Variants in FBXL12 observed in about 807,000 individuals in gnomAD.
The protein encoded by FBXL12 is F-box/LRR-repeat protein 12.
A neutral mutation model predicts 24.9 loss-of-function variants in FBXL12; 22 were observed. The ratio of observed to expected loss-of-function variants is 0.88; its 90% CI spans 0.63 to 1.26. The LOEUF is 1.26. FBXL12 is among the 50% of genes most tolerant of loss of function. FBXL12 has a pLI of 0.00. For synonymous variants in FBXL12, 193 were observed against 193.8 expected, an observed-to-expected ratio of 1.00 and a Z score of 0.03; for missense variants, 384 against 434.1, an observed-to-expected ratio of 0.88 and a Z score of 1.03.
rs1177447391 is a variant in FBXL12 at position 9,811,829 on chromosome 19, C to G, written c.160-112G>C. 1 of 915,900 alleles carries G rather than the reference C, an allele frequency of 1.1e-6. No homozygotes were observed. Among genetic ancestry groups the G allele is most frequent in the African/African-American group, 1.7e-5 (1 of 60,124 alleles). 56.7% of individuals were successfully genotyped at this position (915,900 alleles called of 1,614,324 possible). On this transcript the variant is annotated intron_variant, in intron 2 of 2. Coordinates refer to ENST00000247977, the MANE Select transcript of FBXL12 (RefSeq NM_017703.3). This position sits in a 1 kb window ranked among gnomAD's most constrained non-coding sequence, Gnocchi z 6.0. ...TGGGGGATTCTGGTGCCCTGCTGGG[C>G]TTCTGCCCTTGCCTAGCCAGTCTCC...
In FBXL12 at chr19:9,810,910, C is replaced by T; in HGVS notation, c.967G>A (p.Asp323Asn). The T allele has an allele frequency of 6.3e-7, 1 of 1,590,886 alleles. No individual in the cohort carries two copies. The highest frequency in any genetic ancestry group is 8.6e-7 in the Non-Finnish European group (1 of 1,162,794). The change falls in exon 3 of 3, where the codon GAC (aspartate) becomes AAC (asparagine). Residue 323 changes from aspartate (D) to asparagine (N), a missense_variant. Physicochemically the swap from Asp to Asn is conservative, Grantham distance 23. Coordinates refer to ENST00000247977, the MANE Select transcript of FBXL12 (RefSeq NM_017703.3). Reference protein sequence around the residue: ...IVRACPKESMDWWM With the variant: ...IVRACPKESMNWWM ...AGGTGGAGTAGTTACATCCACCAGT[C>T]CATAGACTCTTTGGGGCAAGCCCTG...
In FBXL12 at chr19:9,813,196, A is replaced by G. The variant is rs1599425199; in HGVS notation, c.160-1479T>C. Reference sequence around the variant, plus strand: ...GCACTGGGCATTTCATTCTAAGTACAGTTTATCTTAAAAAGAAAAAGTTAG... The same window carrying G: ...GCACTGGGCATTTCATTCTAAGTACGGTTTATCTTAAAAAGAAAAAGTTAG... On this transcript the variant is annotated intron_variant, in intron 2 of 2. Transcript: ENST00000247977. The G allele has an allele frequency of 2.5e-6, 3 of 1,189,990 alleles. No individual in the cohort carries two copies. The South Asian group carries it at 1.3e-4, about 51-fold the overall frequency. The allele number at this position is 1,189,990 out of a possible 1,614,324, so 73.7% of individuals were successfully genotyped here.
Position 9,818,628 on chromosome 19 carries a change from G to A in FBXL12, c.87-11C>T, listed in dbSNP as rs905442679. ...CAGCGGTGACAGACCCTGGGGGAGG[G>A]GACGCGCGGTTAGAACGACCCCAGC... On this transcript the variant is annotated splice_polypyrimidine_tract_variant and intron_variant, in intron 1 of 2. Transcript: ENST00000247977. The A allele has an allele frequency of 6.4e-6, 10 of 1,552,750 alleles. No individual in the cohort carries two copies. Among genetic ancestry groups the A allele is most frequent in the Non-Finnish European group, 8.7e-6 (10 of 1,148,188 alleles).
rs2045944231 is a variant in FBXL12 at position 9,818,909 on chromosome 19, C to G, written c.-96G>C. 1 of 1,161,978 alleles carries G rather than the reference C, an allele frequency of 8.6e-7. No homozygotes were observed. The highest frequency in any genetic ancestry group is 1.2e-6 in the Non-Finnish European group (1 of 820,166). 72.0% of individuals were successfully genotyped at this position (1,161,978 alleles called of 1,614,324 possible). A position where few individuals can be genotyped will look rare whatever the true frequency, so the allele number is the denominator to read the frequency against. On this transcript the variant is annotated 5_prime_UTR_variant, in exon 1 of 3. Coordinates refer to ENST00000247977, the MANE Select transcript of FBXL12 (RefSeq NM_017703.3). ...GACAGGGCGGCGGCCGCGACCTTCCCGTAGCCGGTCGAGAAATTTGACCTT... is the reference window on the plus strand; with the variant it reads ...GACAGGGCGGCGGCCGCGACCTTCCGGTAGCCGGTCGAGAAATTTGACCTT...
intron 2 of FBXL12, among the ~76,000 whole-genome samples, chr19:9,816,164 C>T (rs1333707250): frequency 6.6e-6 from 1 of 152,172 alleles, no homozygotes; most frequent in Non-Finnish European, 1.5e-5. Context: ...TCCTCCTGGG[C>T]TTCCAGGCCT....
chr19:9,813,377 C>T, intron 2 of FBXL12: 1 of 734,056 alleles, frequency 1.4e-6, no homozygotes, highest in Non-Finnish European at 1.8e-6. Context: ...TTGCTTGTTG[C>T]CCAGGCTGGA....
rs1351232796 is a variant in FBXL12 at position 9,814,735 on chromosome 19, A to G, written c.160-3018T>C. On this transcript the variant is annotated intron_variant, in intron 2 of 2. Transcript: ENST00000247977. ...AAAAAAAATTAAGAAAACGAGAACAAAGCAAAAATGGAAACCCCTGATAAA... is the reference window on the plus strand; with the variant it reads ...AAAAAAAATTAAGAAAACGAGAACAGAGCAAAAATGGAAACCCCTGATAAA... The G allele has an allele frequency of 2.0e-5, 3 of 152,264 alleles. No homozygotes were observed. In the East Asian group the frequency reaches 5.8e-4, roughly 29 times the overall value. The allele number at this position is 152,264 out of a possible 1,614,324, so 9.4% of individuals were successfully genotyped here.
chr19:9,813,241 T>C (rs1284436821), intron 2 of FBXL12: 4 of 1,231,516 alleles, frequency 3.2e-6, no homozygotes, highest in East Asian at 3.2e-5. Flanking sequence ...ATCTGCCTTT[T>C]ATTGCTGGAT....
intron 2 of FBXL12, among the ~76,000 whole-genome samples, chr19:9,817,144 A>G (rs1274307979): frequency 6.6e-6 from 1 of 152,186 alleles, no homozygotes; most frequent in African/African-American, 2.4e-5. Flanking sequence ...GCCAAACCAT[A>G]TCATGAACCA....
At chr19:9,812,020 G>T (rs2045766663) in intron 2 of FBXL12, among the ~76,000 whole-genome samples, 1 of 151,538 alleles carries the variant, frequency 6.6e-6, no homozygotes, top group Non-Finnish European at 1.5e-5. Flanking sequence ...CTGCAGCCTG[G>T]ACCTCCTAGG....
intron 2 of FBXL12, among the ~76,000 whole-genome samples, chr19:9,816,704 G>T (rs1039182220): frequency 6.6e-6 from 1 of 152,144 alleles, no homozygotes; most frequent in African/African-American, 2.4e-5. Context: ...CCCCCATACT[G>T]TTCCAACCTC....
At position 9,818,920 on chromosome 19, in the gene FBXL12, G is replaced by T. The variant is rs1256791713; in HGVS notation, c.-107C>A. On this transcript the variant is annotated 5_prime_UTR_variant, in exon 1 of 3. Transcript: ENST00000247977. ...GGCCGCGACCTTCCCGTAGCCGGTC[G>T]AGAAATTTGACCTTCCTCTCGCTGG... is the stretch of plus-strand genomic sequence containing the variant. 2 of 1,065,488 alleles carry T rather than the reference G, an allele frequency of 1.9e-6. No homozygotes were observed. Among genetic ancestry groups the T allele is most frequent in the Admixed American group, 2.5e-5 (1 of 39,622 alleles). 66.0% of individuals were successfully genotyped at this position (1,065,488 alleles called of 1,614,324 possible). A position where few individuals can be genotyped will look rare whatever the true frequency, so the allele number is the denominator to read the frequency against.
intron 2 of FBXL12, chr19:9,818,081 GAGCGCCC>G: frequency 2.7e-6 from 1 of 371,748 alleles, no homozygotes; most frequent in Non-Finnish European, 4.8e-6. Flanking sequence ...GTGTAGTGGC[GAGCGCCC>G]GTGGTTCCAG....
intron 2 of FBXL12, among the ~76,000 whole-genome samples, chr19:9,812,347 A>G (rs1035026486): frequency 1.3e-5 from 2 of 152,034 alleles, no homozygotes; most frequent in Non-Finnish European, 2.9e-5. Context: ...CCTGGCCAAC[A>G]TGGTGAAACC....
At position 9,811,674 on chromosome 19, in the gene FBXL12, G is replaced by A; in HGVS notation, c.203C>T (p.Ala68Val). The A allele has an allele frequency of 6.6e-7, 1 of 1,515,748 alleles. No homozygotes were observed. Among genetic ancestry groups the A allele is most frequent in the Non-Finnish European group, 8.8e-7 (1 of 1,132,760 alleles). 93.9% of individuals were successfully genotyped at this position (1,515,748 alleles called of 1,614,324 possible). Residue 68 changes from alanine (A) to valine (V), a missense_variant, in exon 3 of 3, where the codon GCA becomes GTA. Transcript: ENST00000247977. The surrounding 1 kb of genome is among the most constrained non-coding windows in gnomAD (Gnocchi z 6.0). ...VMWHLLRRYM[A>V]SRLHSLRMGG... is the part of the protein sequence containing the mutation. ...CATCCGCAGGGAATGGAGCCGGGAT[G>A]CCATGTACCTTCGAAGGAGGTGCCA... is the stretch of plus-strand genomic sequence containing the variant.
chr19:9,818,722 C>A lies in FBXL12; in HGVS notation c.86+6G>T. 1 of 1,544,902 alleles carries A rather than the reference C, an allele frequency of 6.5e-7. No individual in the cohort carries two copies. The highest frequency in any genetic ancestry group is 8.8e-7 in the Non-Finnish European group (1 of 1,141,366). ...CCTGCCCTTCCCCCCGGAGGCGGGG[C>A]CGCACCTGGAGATGCGGATCCGGTC... is the stretch of plus-strand genomic sequence containing the variant. On this transcript the variant is annotated splice_donor_region_variant and intron_variant, in intron 1 of 2. Transcript: ENST00000247977.
intron 2 of FBXL12, among the ~76,000 whole-genome samples, chr19:9,816,294 GA>G (rs943572643): frequency 6.6e-6 from 1 of 152,118 alleles, no homozygotes; most frequent in African/African-American, 2.4e-5. Context: ...TTTCTCCCTA[GA>G]AAATGGGTTT....
intron 2 of FBXL12, among the ~76,000 whole-genome samples, chr19:9,812,593 T>C (rs138413733): frequency 1.9e-4 from 24 of 128,754 alleles, no homozygotes; most frequent in African/African-American, 7.0e-4. Context: ...ACTAACAGAA[T>C]CTATCTTTAG....
intron 2 of FBXL12, among the ~76,000 whole-genome samples, chr19:9,815,127 A>C (rs1047105976): frequency 1.3e-5 from 2 of 152,232 alleles, no homozygotes; most frequent in African/African-American, 2.4e-5. Context: ...ATACAATGTG[A>C]GTACAGGTAT....
Sources: allele counts gnomAD v4.1 joint callset (sites outside exome capture counted in the v4.1 genomes callset), GRCh38; gene constraint gnomAD v4.1.1; non-coding constraint Gnocchi (gnomAD v3.1); transcripts MANE v1.5; gene names NCBI Gene and HGNC (gene_info 2026-07-23, HGNC 2026-07-21).